TBC1D1: variants seen among roughly 807,000 people sequenced by gnomAD.
The protein encoded by TBC1D1 is TBC1 (tre-2/USP6, BUB2, cdc16) domain family, member 1.
In TBC1D1, 89 loss-of-function variants were observed where a neutral mutation model predicts 125.6. The ratio of observed to expected loss-of-function variants is 0.71; its 90% CI spans 0.60 to 0.85. The LOEUF is 0.85. Ranked by LOEUF, TBC1D1 falls within the 40% of genes least tolerant of loss-of-function variation. The pLI, the probability that TBC1D1 is intolerant of heterozygous loss-of-function variation, is 0.00. For missense variants in TBC1D1, 1,377 were observed against 1,469.2 expected, an observed-to-expected ratio of 0.94 and a Z score of 1.03; for synonymous variants, 565 against 564.1, an observed-to-expected ratio of 1.00 and a Z score of -0.02.
In TBC1D1 at chr4:37,902,059, GAT is replaced by G. The variant is rs747503188; in HGVS notation, c.-35_-34del. Reference sequence around the variant, plus strand: ...GCTTGATCCAAAACAGAAAAACAGTGATAACTGTTTTGCTGAGTTCCCAGACC... The same window carrying G: ...GCTTGATCCAAAACAGAAAAACAGTGAACTGTTTTGCTGAGTTCCCAGACC... On this transcript the variant is annotated 5_prime_UTR_variant, in exon 2 of 20. Coordinates refer to ENST00000261439, the MANE Select transcript of TBC1D1 (RefSeq NM_015173.4). 1 of 1,534,918 alleles carries G rather than the reference GAT, an allele frequency of 6.5e-7. No homozygotes were observed. The highest frequency in any genetic ancestry group is 8.8e-7 in the Non-Finnish European group (1 of 1,139,842).
At chr4:38,104,159 CAAAAAAAAA>C (rs71658758) in intron 15 of TBC1D1, among the ~76,000 whole-genome samples, 5 of 83,960 alleles carry the variant, frequency 6.0e-5, no homozygotes, top group African/African-American at 4.5e-5. Flanking sequence ...GACTCTGTCT[CAAAAAAAAA>C]AAAAAAAAAA....
rs143260040 is a variant in TBC1D1 at position 38,050,970 on chromosome 4, A to G, written c.1910+1072A>G. On this transcript the variant is annotated intron_variant, in intron 11 of 19. Coordinates refer to ENST00000261439, the MANE Select transcript of TBC1D1 (RefSeq NM_015173.4). Reference sequence around the variant, plus strand: ...GCTTAATAAATACACGCTTTTAGAGACACACATCGTTGGGTTGTAGCTGTG... The same window carrying G: ...GCTTAATAAATACACGCTTTTAGAGGCACACATCGTTGGGTTGTAGCTGTG... Among the ~76,000 whole-genome samples, 98 of 152,342 alleles carry G rather than the reference A, an allele frequency of 6.4e-4. No individual in the cohort carries two copies. The South Asian group carries it at 7.9e-3, about 12-fold the overall frequency.
chr4:38,119,624 C>G (rs564571726), intron 17 of TBC1D1, among the ~76,000 whole-genome samples: 7 of 152,196 alleles, frequency 4.6e-5, no homozygotes, highest in African/African-American at 1.7e-4. Context: ...GCTTTCTTGC[C>G]AATAACTTCT....
intron 2 of TBC1D1, among the ~76,000 whole-genome samples, chr4:37,933,070 A>G (rs1383540963): frequency 1.3e-5 from 2 of 151,994 alleles, no homozygotes; most frequent in East Asian, 3.9e-4. Context: ...AAAACAAAAA[A>G]ACAAAAAAAA....
intron 2 of TBC1D1, among the ~76,000 whole-genome samples, chr4:37,952,984 C>T (rs1021744696): frequency 3.3e-5 from 5 of 152,122 alleles, no homozygotes; most frequent in Admixed American, 6.6e-5. Context: ...AAATTGTGCA[C>T]GGCTAGATGT....
At chr4:37,910,402 A>G (rs4008478) in intron 2 of TBC1D1, among the ~76,000 whole-genome samples, 24,580 of 152,220 alleles carry the variant, frequency 0.16, 2,120 homozygotes, top group East Asian at 0.24. Context: ...ACTTCATTTG[A>G]AAAAATATGT....
intron 2 of TBC1D1, among the ~76,000 whole-genome samples, chr4:37,943,886 A>G (rs983502404): frequency 1.3e-5 from 2 of 152,170 alleles, no homozygotes; most frequent in Non-Finnish European, 2.9e-5. Context: ...GAGGAGCTGC[A>G]TTCCTTTGGA....
chr4:37,929,544 T>A (rs990874257), intron 2 of TBC1D1, among the ~76,000 whole-genome samples: 1 of 152,184 alleles, frequency 6.6e-6, no homozygotes, highest in Non-Finnish European at 1.5e-5. Flanking sequence ...GACCACACTT[T>A]AGAAGCACTG....
intron 17 of TBC1D1, among the ~76,000 whole-genome samples, chr4:38,121,279 A>C (rs893063544): frequency 3.7e-4 from 57 of 152,352 alleles, no homozygotes; most frequent in African/African-American, 1.3e-3. Context: ...GGTGGCTGGA[A>C]AAAGAGATGC....
At chr4:37,910,504 T>A (rs1718356079) in intron 2 of TBC1D1, among the ~76,000 whole-genome samples, 1 of 152,232 alleles carries the variant, frequency 6.6e-6, no homozygotes, top group East Asian at 1.9e-4. Context: ...AAAATTAATT[T>A]TACTTATTTC....
chr4:37,962,193 G>A lies in TBC1D1; in HGVS notation c.418-52316G>A, dbSNP rs114706390. On this transcript the variant is annotated intron_variant, in intron 2 of 19. Transcript: ENST00000261439. ...ATCTTTATCTTGGGCCAGTAGCCAC[G>A]CAGGTCAAGGATAAGTTTCCATTAG... is the stretch of plus-strand genomic sequence containing the variant. 6.8e-4 allele frequency among the ~76,000 whole-genome samples: 103 copies of A among 152,292 alleles called. 1 individual carries two copies. Among genetic ancestry groups the A allele is most frequent in the African/African-American group, 2.4e-3 (98 of 41,560 alleles).
intron 2 of TBC1D1, chr4:37,961,119 T>A: frequency 6.8e-7 from 1 of 1,464,488 alleles, no homozygotes; most frequent in Non-Finnish European, 9.5e-7. Context: ...AATAAATACA[T>A]AAATATAAAG....
intron 2 of TBC1D1, among the ~76,000 whole-genome samples, chr4:37,990,512 G>A (rs2152386177): frequency 6.6e-6 from 1 of 152,230 alleles, no homozygotes; most frequent in East Asian, 1.9e-4. Context: ...CTTGTGTACT[G>A]ATTATTAATC....
At chr4:38,060,701 C>T in intron 12 of TBC1D1, 3 of 1,207,162 alleles carry the variant, frequency 2.5e-6, no homozygotes, top group Non-Finnish European at 3.3e-6. Flanking sequence ...ATGAAGACCT[C>T]ATACACCTGT....
In TBC1D1 at chr4:37,932,931, C is replaced by T. The variant is rs544696487; in HGVS notation, c.417+30419C>T. Among the ~76,000 whole-genome samples the T allele has an allele frequency of 2.0e-5, 3 of 152,062 alleles. No individual in the cohort carries two copies. In the East Asian group the frequency reaches 5.8e-4, roughly 29 times the overall value. ...AATTAGCCAGAGGTGGCGGCGGGTG[C>T]CTGTAATCCCAGCTACTTGGGAGGT... On this transcript the variant is annotated intron_variant, in intron 2 of 19. Transcript: ENST00000261439.
At chr4:37,909,516 T>C (rs1040710989) in intron 2 of TBC1D1, among the ~76,000 whole-genome samples, 1 of 152,222 alleles carries the variant, frequency 6.6e-6, no homozygotes, top group Non-Finnish European at 1.5e-5. Flanking sequence ...TTGGCTGTTA[T>C]ATTTGCCGGC....
At chr4:37,906,937 G>A (rs893779760) in intron 2 of TBC1D1, among the ~76,000 whole-genome samples, 14 of 152,240 alleles carry the variant, frequency 9.2e-5, no homozygotes, top group Admixed American at 5.9e-4. Flanking sequence ...CTACTAATAT[G>A]TACTCTATTA....
In TBC1D1 at chr4:37,902,261, A is replaced by G; in HGVS notation, c.166A>G (p.Arg56Gly). 6.2e-7 allele frequency: 1 copy of G among 1,614,176 alleles called. No individual in the cohort carries two copies. Among genetic ancestry groups the G allele is most frequent in the Admixed American group, 1.7e-5 (1 of 60,028 alleles). Residue 56 changes from arginine (R) to glycine (G), a missense_variant, in exon 2 of 20, where the codon AGA becomes GGA. Around this residue, in one of 3 missense-constraint regions of TBC1D1, gnomAD observed 822 missense variants for 824.6 expected, o/e 1.00. Coordinates refer to ENST00000261439, the MANE Select transcript of TBC1D1 (RefSeq NM_015173.4). Reference sequence around the variant, plus strand: ...GCGAAGACTCAGCAGGCAGTCCACCAGAAAGGAACCTGTAACCAAGCAAGT... The same window carrying G: ...GCGAAGACTCAGCAGGCAGTCCACCGGAAAGGAACCTGTAACCAAGCAAGT...
At position 38,044,346 on chromosome 4, in the gene TBC1D1, T is replaced by G; in HGVS notation, c.1414-16T>G. On this transcript the variant is annotated splice_polypyrimidine_tract_variant and intron_variant, in intron 8 of 19. Transcript: ENST00000261439. ...GAAGGGAGCGATAAATGACTTTTCG[T>G]TTTTCACTTTTTTAGACATCGCAGA... 7.5e-6 allele frequency: 12 copies of G among 1,590,858 alleles called. No homozygotes were observed. The highest frequency in any genetic ancestry group is 1.0e-5 in the Non-Finnish European group (12 of 1,173,512).
Sources: gnomAD v4.1 joint callset for allele counts (sites outside exome capture counted in the v4.1 genomes callset) on GRCh38, gnomAD v4.1.1 for gene constraint, gnomAD v4.1.1 regional missense constraint, MANE v1.5 for transcripts, NCBI Gene and HGNC (gene_info 2026-07-23, HGNC 2026-07-21) for gene names.